The following NUP160 variants were observed in gnomAD, a reference collection of about 807,000 sequenced individuals.
NUP160 encodes nuclear pore complex protein Nup160.
In NUP160, 94 loss-of-function variants were observed where a neutral mutation model predicts 196.9. The ratio of observed to expected loss-of-function variants is 0.48; its 90% CI spans 0.40 to 0.57. The LOEUF is 0.57. Among genes scored for constraint, NUP160 ranks in the 20% least tolerant of loss-of-function variants. The pLI, the probability that NUP160 is intolerant of heterozygous loss-of-function variation, is 0.00. For missense variants in NUP160, 1,638 were observed against 1,748.3 expected, an observed-to-expected ratio of 0.94 and a Z score of 1.13; for synonymous variants, 605 against 619.7, an observed-to-expected ratio of 0.98 and a Z score of 0.35.
intron 33 of NUP160, among the ~76,000 whole-genome samples, chr11:47,784,140 T>G (rs2097663186): frequency 1.3e-5 from 2 of 152,228 alleles, no homozygotes; most frequent in African/African-American, 4.8e-5. Context: ...ATGCAGAAGT[T>G]CTCAAACTTT....
intron 18 of NUP160, among the ~76,000 whole-genome samples, chr11:47,807,670 A>AG (rs2097678536): frequency 6.6e-6 from 1 of 152,086 alleles, no homozygotes; most frequent in Non-Finnish European, 1.5e-5. Context: ...TCCATCTCCA[A>AG]GAAAAAAAAA....
intron 7 of NUP160, among the ~76,000 whole-genome samples, chr11:47,834,702 G>A (rs1852140981): frequency 6.6e-6 from 1 of 152,196 alleles, no homozygotes; most frequent in East Asian, 1.9e-4. Context: ...CAGCACAGGA[G>A]TGAGAACACT....
rs528897707 is a variant in NUP160, at chr11:47,818,164, C to A, written c.1363-40G>T. The A allele has an allele frequency of 2.1e-6, 3 of 1,405,310 alleles. No individual in the cohort carries two copies. The African/African-American group carries it at 4.3e-5, about 20-fold the overall frequency. 87.1% of individuals were successfully genotyped at this position (1,405,310 alleles called of 1,614,324 possible). Reference sequence around the variant, plus strand: ...AAACAAAAGTTACTATTGTCCTAAACAAAATTTGGAATTCAACACATAACA... The same window carrying A: ...AAACAAAAGTTACTATTGTCCTAAAAAAAATTTGGAATTCAACACATAACA... On this transcript the variant is annotated intron_variant, in intron 10 of 35. Coordinates refer to ENST00000378460, the Ensembl canonical transcript of NUP160.
Position 47,839,946 on chromosome 11 carries a change from G to T in NUP160, c.645C>A (p.Thr215=). 6.2e-7 allele frequency: 1 copy of T among 1,614,044 alleles called. No individual in the cohort carries two copies. Among genetic ancestry groups the T allele is most frequent in the Non-Finnish European group, 8.5e-7 (1 of 1,179,942 alleles). The change falls in exon 4 of 36, where the codon ACC becomes ACA. Residue 215 remains threonine (T), a synonymous_variant. Coordinates refer to ENST00000378460, the Ensembl canonical transcript of NUP160. Reference sequence around the variant, plus strand: ...CACTGCTGAGCCAGGCTGTAGAGGCGGTGGAATTAGGAGATATTCCAGGTA... The same window carrying T: ...CACTGCTGAGCCAGGCTGTAGAGGCTGTGGAATTAGGAGATATTCCAGGTA...
At chr11:47,826,415 G>A (rs1182479283) in intron 7 of NUP160, among the ~76,000 whole-genome samples, 1 of 152,190 alleles carries the variant, frequency 6.6e-6, no homozygotes, top group Non-Finnish European at 1.5e-5. Flanking sequence ...CAAAACAAAG[G>A]AAGTAATAGC....
At chr11:47,788,262 C>A (rs541752129) in exon 31 of NUP160, 2 of 1,613,988 alleles carry the variant, frequency 1.2e-6, no homozygotes, top group Admixed American at 1.7e-5. Flanking sequence ...CAAAGAGGCC[C>A]GCCTGAACCA....
chr11:47,783,064 T>A lies in NUP160; in HGVS notation c.4116+9A>T. On this transcript the variant is annotated intron_variant, in intron 34 of 35. Coordinates refer to ENST00000378460, the Ensembl canonical transcript of NUP160. Reference sequence around the variant, plus strand: ...CATTGTAAATTGGGGACCATTTGTATATGCCTACCTCAATTCCGAAGTATT... The same window carrying A: ...CATTGTAAATTGGGGACCATTTGTAAATGCCTACCTCAATTCCGAAGTATT... The A allele has an allele frequency of 6.2e-7, 1 of 1,611,346 alleles. No homozygotes were observed. Among genetic ancestry groups the A allele is most frequent in the Non-Finnish European group, 8.5e-7 (1 of 1,178,356 alleles).
intron 20 of NUP160, among the ~76,000 whole-genome samples, chr11:47,805,426 A>C (rs1599319914): frequency 6.9e-6 from 1 of 144,788 alleles, no homozygotes; most frequent in Non-Finnish European, 1.5e-5. Context: ...CCATTGCAGC[A>C]CCCAGCCAAA....
intron 31 of NUP160, among the ~76,000 whole-genome samples, chr11:47,787,287 C>T (rs2135345106): frequency 6.6e-6 from 1 of 152,096 alleles, no homozygotes; most frequent in East Asian, 1.9e-4. Flanking sequence ...GGGGTTTCGT[C>T]ATGTTGGCCG....
chr11:47,788,236 A>T (rs933059030), exon 31 of NUP160: 1 of 1,613,844 alleles, frequency 6.2e-7, no homozygotes, highest in African/African-American at 1.3e-5. Context: ...AGTCTGACAG[A>T]GTGATATGGC....
At chr11:47,836,341 A>AT (rs1852175714) in intron 6 of NUP160, among the ~76,000 whole-genome samples, 1 of 152,220 alleles carries the variant, frequency 6.6e-6, no homozygotes, top group African/African-American at 2.4e-5. Flanking sequence ...TATAAGCTGT[A>AT]TTTTTTAGAT....
At chr11:47,836,684 T>C (rs919300899) in intron 6 of NUP160, among the ~76,000 whole-genome samples, 6 of 152,210 alleles carry the variant, frequency 3.9e-5, no homozygotes, top group African/African-American at 1.4e-4. Flanking sequence ...GTTAGGTTGA[T>C]AATTTTTCCA....
intron 9 of NUP160, among the ~76,000 whole-genome samples, chr11:47,820,708 C>A (rs190923676): frequency 2.0e-5 from 3 of 152,182 alleles, no homozygotes; most frequent in Admixed American, 6.5e-5. Flanking sequence ...CATACCACCA[C>A]GCCCGGCTAA....
At chr11:47,832,386 G>C (rs1252917905) in intron 7 of NUP160, among the ~76,000 whole-genome samples, 1 of 152,214 alleles carries the variant, frequency 6.6e-6, no homozygotes, top group East Asian at 1.9e-4. Context: ...CGAATTCATA[G>C]TTAAATGATT....
At chr11:47,789,218 G>A (rs1429009928) in intron 29 of NUP160, among the ~76,000 whole-genome samples, 1 of 152,072 alleles carries the variant, frequency 6.6e-6, no homozygotes, top group Non-Finnish European at 1.5e-5. Context: ...TGTTGCCCAG[G>A]CTGGTCTTGA....
At chr11:47,826,398 T>C (rs1316696095) in intron 7 of NUP160, among the ~76,000 whole-genome samples, 1 of 152,210 alleles carries the variant, frequency 6.6e-6, no homozygotes, top group Admixed American at 6.5e-5. Context: ...TGAAGAATCA[T>C]AATGCTCAAA....
chr11:47,816,846 T>C (rs1217532036), intron 11 of NUP160, among the ~76,000 whole-genome samples: 1 of 151,762 alleles, frequency 6.6e-6, no homozygotes, highest in African/African-American at 2.4e-5. Context: ...AATCTTGCCA[T>C]GTTACCCAGG....
At position 47,821,745 on chromosome 11, in the gene NUP160, A is replaced by G; in HGVS notation, c.1256T>C (p.Val419Ala). Residue 419 changes from valine to alanine, a missense_variant, in exon 9 of 36, where the codon GTG (valine) becomes GCG (alanine). Coordinates refer to ENST00000378460, the Ensembl canonical transcript of NUP160. ...ATACTGTTCAAAGTTGATGTATTTC[A>G]CTACTGTTTGGTTCTCAGCATCATG... 1.9e-6 allele frequency: 3 copies of G among 1,613,662 alleles called. No homozygotes were observed. In the South Asian group the frequency reaches 3.3e-5, roughly 18 times the overall value.
intron 4 of NUP160, 117 bp from the exon 5 acceptor site, chr11:47,837,740 A>C (rs922825787): frequency 1.4e-6 from 1 of 725,352 alleles, no homozygotes; most frequent in Non-Finnish European, 2.4e-6. Flanking sequence ...TTCTGTACTA[A>C]CAAAGGTTTA....
Sources: gnomAD v4.1 joint callset for allele counts (sites outside exome capture counted in the v4.1 genomes callset) on GRCh38, gnomAD v4.1.1 for gene constraint, MANE v1.5 for transcripts, NCBI Gene and HGNC (gene_info 2026-07-23, HGNC 2026-07-21) for gene names.